NPM1: variants seen among roughly 807,000 people sequenced by gnomAD.
The protein encoded by NPM1 is nucleophosmin.
A neutral mutation model predicts 44.1 loss-of-function variants in NPM1; 1 was observed. The observed-to-expected ratio is 0.02, with a 90% CI of 0.01 to 0.11. The LOEUF is 0.11. NPM1 is among the 10% of genes least tolerant of loss of function. The pLI, the probability that NPM1 is intolerant of heterozygous loss-of-function variation, is 1.00. For missense variants in NPM1, 197 were observed against 347.8 expected (o/e 0.57, Z 3.45); for synonymous variants, 126 against 111.8 (o/e 1.13, Z -0.80).
chr5:171,399,614 C>T (rs1771087614), intron 6 of NPM1, among the ~76,000 whole-genome samples: 1 of 151,992 alleles, frequency 6.6e-6, no homozygotes, highest in Non-Finnish European at 1.5e-5. Context: ...TTGTATTTAA[C>T]CTGTATATTC....
intron 6 of NPM1, 137 bp from the exon 7 acceptor site, chr5:171,400,016 C>T: frequency 3.2e-6 from 2 of 625,634 alleles, no homozygotes; most frequent in South Asian, 3.9e-5. Flanking sequence ...ACTTGGGTTG[C>T]TTTCACCTCT....
chr5:171,403,529 C>A (rs1771349947), intron 8 of NPM1, among the ~76,000 whole-genome samples: 1 of 120,704 alleles, frequency 8.3e-6, no homozygotes, highest in African/African-American at 3.1e-5. Context: ...GGGCACACCT[C>A]CCAGACGGGG....
At chr5:171,388,162 C>T (rs1015428678) in intron 1 of NPM1, among the ~76,000 whole-genome samples, 156 bp downstream of exon 1, 3 of 151,804 alleles carry the variant, frequency 2.0e-5, no homozygotes, top group African/African-American at 4.8e-5. Flanking sequence ...GAGCCCTGGA[C>T]CTGGAGGGAT....
chr5:171,406,549 C>T (rs1771579664), intron 9 of NPM1: 1 of 1,485,736 alleles, frequency 6.7e-7, no homozygotes, highest in Non-Finnish European at 9.0e-7. Flanking sequence ...TGATTTGCCA[C>T]CCATGCCTCT....
At chr5:171,410,301 T>G (rs889650384) in intron 10 of NPM1, among the ~76,000 whole-genome samples, 1 of 152,258 alleles carries the variant, frequency 6.6e-6, no homozygotes, top group Non-Finnish European at 1.5e-5. Flanking sequence ...TGCTAAACTA[T>G]TAAATAATTA....
chr5:171,410,674 G>A lies in NPM1; in HGVS notation c.*109G>A, dbSNP rs1059557. ...ATGCAGAGTGAGAACTTTCCCTACC[G>A]TGTTTGATAAATGTTGTCCAGGTTC... On this transcript the variant is annotated 3_prime_UTR_variant, in exon 11 of 11. Coordinates refer to ENST00000296930, the MANE Select transcript of NPM1 (RefSeq NM_002520.7). The A allele has an allele frequency of 9.2e-5, 58 of 630,238 alleles. No homozygotes were observed. Among genetic ancestry groups the A allele is most frequent in the Middle Eastern group, 4.3e-4 (1 of 2,342 alleles). The allele number at this position is 630,238 out of a possible 1,614,324, so 39.0% of individuals were successfully genotyped here.
intron 1 of NPM1, among the ~76,000 whole-genome samples, chr5:171,388,815 C>T (rs1367999005): frequency 6.6e-6 from 1 of 152,224 alleles, no homozygotes; most frequent in African/African-American, 2.4e-5. Context: ...GAGCTAGCCC[C>T]ACTTTGCAGA....
In NPM1 at chr5:171,398,023, G is replaced by A. The variant is rs534709113; in HGVS notation, c.525-2130G>A. On this transcript the variant is annotated intron_variant, in intron 6 of 10. Coordinates refer to ENST00000296930, the MANE Select transcript of NPM1 (RefSeq NM_002520.7). ...GGCCAGGCTGGTCTTGAACTCCTGA[G>A]GTCAGGCCCGCCTCGGCCTCCCACA... 1.6e-4 allele frequency among the ~76,000 whole-genome samples: 24 copies of A among 151,792 alleles called. 1 individual carries two copies. In the South Asian group the frequency reaches 5.0e-3, roughly 31 times the overall value.
rs561730798 is a variant in NPM1, at chr5:171,387,890, A to T, written c.-59A>T. The T allele has an allele frequency of 2.0e-6, 3 of 1,527,544 alleles. No individual in the cohort carries two copies. The highest frequency in any genetic ancestry group is 1.7e-5 in the Admixed American group (1 of 59,636). The allele number at this position is 1,527,544 out of a possible 1,614,324, so 94.6% of individuals were successfully genotyped here. A position where few individuals can be genotyped will look rare whatever the true frequency, so the allele number is the denominator to read the frequency against. On this transcript the variant is annotated 5_prime_UTR_variant, in exon 1 of 11. Transcript: ENST00000296930. ...TCCGTCCTGCGCGGTTGTTCTCTGG[A>T]GCAGCGTTCTTTTATCTCCGTCCGC...
At chr5:171,391,940 CAAAT>C (rs1770595073) in intron 4 of NPM1, 141 bp downstream of exon 4, 1 of 396,010 alleles carries the variant, frequency 2.5e-6, no homozygotes, top group Non-Finnish European at 4.5e-6. Flanking sequence ...TTGGAGAGGA[CAAAT>C]AAATTTTTGG....
At chr5:171,398,154 C>G (rs545746053) in intron 6 of NPM1, among the ~76,000 whole-genome samples, 2 of 150,366 alleles carry the variant, frequency 1.3e-5, no homozygotes, top group South Asian at 4.1e-4. Flanking sequence ...TTATCTTCCA[C>G]CATTCCGTGA....
intron 4 of NPM1, 26 bp from the exon 5 acceptor site, chr5:171,392,684 A>T: frequency 6.7e-7 from 1 of 1,486,140 alleles, no homozygotes; most frequent in Non-Finnish European, 9.2e-7. Flanking sequence ...CTTGAGTTTT[A>T]TAATGTCTAA....
Position 171,387,924 on chromosome 5 carries a change from C to T in NPM1, c.-25C>T, listed in dbSNP as rs11551523. On this transcript the variant is annotated 5_prime_UTR_variant, in exon 1 of 11. Transcript: ENST00000296930. Reference sequence around the variant, plus strand: ...CTTTTATCTCCGTCCGCCTTCTCTCCTACCTAAGTGCGTGCCGCCACCCGA... The same window carrying T: ...CTTTTATCTCCGTCCGCCTTCTCTCTTACCTAAGTGCGTGCCGCCACCCGA... The T allele has an allele frequency of 6.2e-7, 1 of 1,608,662 alleles. No homozygotes were observed. The highest frequency in any genetic ancestry group is 8.5e-7 in the Non-Finnish European group (1 of 1,176,752).
chr5:171,403,731 G>C (rs1310289788), intron 8 of NPM1, among the ~76,000 whole-genome samples: 1 of 145,330 alleles, frequency 6.9e-6, no homozygotes, highest in Non-Finnish European at 1.5e-5. Flanking sequence ...CGGCCGGGCG[G>C]GGGGCTGACC....
intron 8 of NPM1, among the ~76,000 whole-genome samples, chr5:171,403,757 C>T (rs1263010233): frequency 3.6e-5 from 5 of 139,812 alleles, no homozygotes; most frequent in African/African-American, 8.0e-5. Flanking sequence ...ACCTCCCTCC[C>T]GGACGGGGCG....
intron 8 of NPM1, among the ~76,000 whole-genome samples, chr5:171,401,515 CAA>C (rs1771198624): frequency 6.6e-6 from 1 of 152,078 alleles, no homozygotes; most frequent in African/African-American, 2.4e-5. Context: ...CGGCTTACTG[CAA>C]CCTTCACTTC....
chr5:171,387,845 C>G (rs148722569), upstream of NPM1: 2 of 1,073,322 alleles, frequency 1.9e-6, no homozygotes, highest in Middle Eastern at 2.9e-4. Context: ...GGGGAGCCTG[C>G]GTCCTTTCCC....
chr5:171,398,011 T>G (rs575476927), intron 6 of NPM1, among the ~76,000 whole-genome samples: 1 of 152,208 alleles, frequency 6.6e-6, no homozygotes, highest in East Asian at 1.9e-4. Flanking sequence ...CAGGCTGGTC[T>G]TGAACTCCTG....
rs184070874 is a variant in NPM1, at chr5:171,400,980, C to G, written c.669+55C>G. 163 of 1,201,750 alleles carry G rather than the reference C, an allele frequency of 1.4e-4. 1 individual carries two copies. The Admixed American group carries it at 2.4e-3, about 18-fold the overall frequency. 74.4% of individuals were successfully genotyped at this position (1,201,750 alleles called of 1,614,324 possible). On this transcript the variant is annotated intron_variant, in intron 8 of 10. Coordinates refer to ENST00000296930, the MANE Select transcript of NPM1 (RefSeq NM_002520.7). ...ATTGATCTAGTTGGGGAAAAAGATT[C>G]TACTGTGGAAGAATCTAGTGTGTCT... is the stretch of plus-strand genomic sequence containing the variant.
Sources: allele counts gnomAD v4.1 joint callset (sites outside exome capture counted in the v4.1 genomes callset), GRCh38; gene constraint gnomAD v4.1.1; transcripts MANE v1.5; gene names NCBI Gene and HGNC (gene_info 2026-07-23, HGNC 2026-07-21).